RNF180: variants seen among roughly 807,000 people sequenced by gnomAD.
RNF180 encodes the protein ring finger protein 180.
RNF180 carries 38 observed loss-of-function variants against 59.2 expected under a neutral mutation model. The observed-to-expected ratio is 0.64, with a 90% CI of 0.50 to 0.84. The LOEUF is 0.84. Ranked by LOEUF, RNF180 falls within the 40% of genes least tolerant of loss-of-function variation. The probability of loss-of-function intolerance (pLI) is 0.00; values close to 1 mark genes in which losing one functional copy is unlikely to be tolerated. For missense variants in RNF180, 705 were observed against 700.9 expected, an observed-to-expected ratio of 1.01 and a Z score of -0.07; for synonymous variants, 262 against 240.3, an observed-to-expected ratio of 1.09 and a Z score of -0.84.
At chr5:64,249,731 G>A in intron 5 of RNF180, among the ~76,000 whole-genome samples, 1 of 152,020 alleles carries the variant, frequency 6.6e-6, no homozygotes, top group Admixed American at 6.6e-5. Flanking sequence ...AGAAAAACAT[G>A]GTCATTATGT....
At chr5:64,366,839 G>A (rs1042857868) in intron 7 of RNF180, among the ~76,000 whole-genome samples, 2 of 151,544 alleles carry the variant, frequency 1.3e-5, no homozygotes, top group Non-Finnish European at 3.0e-5. Context: ...TGAGAACTTT[G>A]CAAGGCTAGA....
intron 5 of RNF180, among the ~76,000 whole-genome samples, chr5:64,260,899 T>C (rs925912732): frequency 6.6e-6 from 1 of 152,134 alleles, no homozygotes; most frequent in Non-Finnish European, 1.5e-5. Context: ...TTGTATGTTC[T>C]TTCCGTCATG....
In RNF180 at chr5:64,303,193, T is replaced by C. The variant is rs1186865489; in HGVS notation, c.1228-21993T>C. ...ACTTAATCCATAACTGTTGTATGTG[T>C]TTAGACTGCTCTACTGACCAGCCAT... On this transcript the variant is annotated intron_variant, in intron 5 of 7. Coordinates refer to ENST00000389100, the MANE Select transcript of RNF180 (RefSeq NM_001113561.2). Among the ~76,000 whole-genome samples, 3 of 151,604 alleles carry C rather than the reference T, an allele frequency of 2.0e-5. No homozygotes were observed. In the East Asian group the frequency reaches 5.8e-4, roughly 29 times the overall value.
intron 5 of RNF180, among the ~76,000 whole-genome samples, chr5:64,310,798 A>G (rs1246856112): frequency 6.6e-6 from 1 of 151,586 alleles, no homozygotes; most frequent in Non-Finnish European, 1.5e-5. Context: ...AGGACCACTA[A>G]TGAAAGGATT....
At chr5:64,254,020 A>G (rs1390664331) in intron 5 of RNF180, among the ~76,000 whole-genome samples, 2 of 152,158 alleles carry the variant, frequency 1.3e-5, no homozygotes, top group African/African-American at 2.4e-5. Flanking sequence ...CTTCACATAT[A>G]TGTAATGATC....
intron 5 of RNF180, among the ~76,000 whole-genome samples, chr5:64,241,271 T>A (rs1330792053): frequency 1.3e-5 from 2 of 152,254 alleles, no homozygotes; most frequent in African/African-American, 4.8e-5. Flanking sequence ...TTACTCATTT[T>A]GCCAGTCTCC....
intron 1 of RNF180, among the ~76,000 whole-genome samples, chr5:64,188,404 CA>C (rs561395613): frequency 2.3e-4 from 33 of 143,416 alleles, no homozygotes; most frequent in Admixed American, 4.2e-4. Context: ...TTCTCGTAAA[CA>C]AAAAAAAAAG....
chr5:64,356,723 CATT>C (rs1746042940), intron 7 of RNF180, among the ~76,000 whole-genome samples: 4 of 151,768 alleles, frequency 2.6e-5, no homozygotes, highest in Non-Finnish European at 2.9e-5. Flanking sequence ...ACCTTGAAGA[CATT>C]ATACTCAGTA....
At chr5:64,361,333 A>G (rs1561281198) in intron 7 of RNF180, among the ~76,000 whole-genome samples, 1 of 151,616 alleles carries the variant, frequency 6.6e-6, no homozygotes, top group Non-Finnish European at 1.5e-5. Context: ...AGGAAAGAAA[A>G]TCAATTTAAT....
intron 1 of RNF180, among the ~76,000 whole-genome samples, chr5:64,198,034 A>T (rs1246692278): frequency 1.3e-5 from 2 of 152,190 alleles, no homozygotes; most frequent in Non-Finnish European, 2.9e-5. Flanking sequence ...GGAGGTCTAG[A>T]AAAAGGTTAT....
intron 6 of RNF180, among the ~76,000 whole-genome samples, chr5:64,326,075 C>T (rs565735106): frequency 5.9e-4 from 90 of 152,260 alleles, no homozygotes; most frequent in African/African-American, 2.1e-3. Context: ...TCTATCTTCA[C>T]ATTCTCCTCT....
intron 5 of RNF180, among the ~76,000 whole-genome samples, chr5:64,284,961 C>A (rs552379175): frequency 6.6e-6 from 1 of 152,292 alleles, no homozygotes; most frequent in Admixed American, 6.5e-5. Flanking sequence ...GATGTTTAAT[C>A]TTTGAAGCTG....
In RNF180 at chr5:64,238,357, G is replaced by C. The variant is rs115339272; in HGVS notation, c.1227+20961G>C. ...TTTTAATTCTTTTGGAGAAATACTCGAGTGGGATCACTGGATCATATGGCA... is the reference window on the plus strand; with the variant it reads ...TTTTAATTCTTTTGGAGAAATACTCCAGTGGGATCACTGGATCATATGGCA... On this transcript the variant is annotated intron_variant, in intron 5 of 7. Coordinates refer to ENST00000389100, the MANE Select transcript of RNF180 (RefSeq NM_001113561.2). Among the ~76,000 whole-genome samples, 522 of 152,216 alleles carry C rather than the reference G, an allele frequency of 3.4e-3. 2 individuals carry two copies. Among genetic ancestry groups the C allele is most frequent in the African/African-American group, 0.011 (474 of 41,514 alleles).
intron 5 of RNF180, among the ~76,000 whole-genome samples, chr5:64,247,604 A>G (rs1743268531): frequency 6.6e-6 from 1 of 152,230 alleles, no homozygotes; most frequent in African/African-American, 2.4e-5. Flanking sequence ...TCATGGACAT[A>G]AGAGAGGACA....
intron 5 of RNF180, among the ~76,000 whole-genome samples, chr5:64,266,838 A>G (rs1744707660): frequency 6.6e-6 from 1 of 152,130 alleles, no homozygotes; most frequent in African/African-American, 2.4e-5. Flanking sequence ...GTCCCTTATT[A>G]CAGTTCCAAA....
intron 7 of RNF180, among the ~76,000 whole-genome samples, chr5:64,360,018 G>C (rs7711598): frequency 6.6e-6 from 1 of 151,728 alleles, no homozygotes; most frequent in Non-Finnish European, 1.5e-5. Context: ...TACCAGTACC[G>C]TGCTGTTTTG....
At chr5:64,250,220 G>T (rs1335656693) in intron 5 of RNF180, among the ~76,000 whole-genome samples, 1 of 151,976 alleles carries the variant, frequency 6.6e-6, no homozygotes, top group African/African-American at 2.4e-5. Context: ...ACAACCAATG[G>T]GTTAGTGAAA....
intron 4 of RNF180, among the ~76,000 whole-genome samples, chr5:64,215,994 T>C (rs1752602206): frequency 6.6e-6 from 1 of 152,122 alleles, no homozygotes; most frequent in Admixed American, 6.5e-5. Flanking sequence ...AATGTGTTTT[T>C]TTTTTGTATA....
chr5:64,316,393 C>G (rs1490147198), intron 5 of RNF180, among the ~76,000 whole-genome samples: 5 of 152,030 alleles, frequency 3.3e-5, no homozygotes, highest in Admixed American at 3.3e-4. Context: ...AAACTCACAC[C>G]AAGATACTGC....
Sources: gnomAD v4.1 joint callset for allele counts (sites outside exome capture counted in the v4.1 genomes callset) on GRCh38, gnomAD v4.1.1 for gene constraint, MANE v1.5 for transcripts, NCBI Gene and HGNC (gene_info 2026-07-23, HGNC 2026-07-21) for gene names.